The following RFFL variants were observed in gnomAD, a reference collection of about 807,000 sequenced individuals.
The protein encoded by RFFL is E3 ubiquitin-protein ligase rififylin.
A neutral mutation model predicts 40.4 loss-of-function variants in RFFL; 16 were observed. The observed-to-expected ratio is 0.40, with a 90% CI of 0.27 to 0.60. The LOEUF is 0.60. Ranked by LOEUF, RFFL falls within the 20% of genes least tolerant of loss-of-function variation. The pLI, the probability that RFFL is intolerant of heterozygous loss-of-function variation, is 0.47. For synonymous variants in RFFL, 154 were observed against 167.9 expected, an observed-to-expected ratio of 0.92 and a Z score of 0.64; for missense variants, 367 against 451.7, an observed-to-expected ratio of 0.81 and a Z score of 1.70.
At chr17:35,075,147 C>A (rs2091369675) in intron 1 of RFFL, among the ~76,000 whole-genome samples, 2 of 152,184 alleles carry the variant, frequency 1.3e-5, no homozygotes, top group African/African-American at 4.8e-5. Flanking sequence ...TATAATAACG[C>A]AAGCCCTCTG....
At chr17:35,040,964 G>A (rs544983747) in intron 1 of RFFL, among the ~76,000 whole-genome samples, 46 of 140,774 alleles carry the variant, frequency 3.3e-4, no homozygotes, top group African/African-American at 9.9e-4. Context: ...CTGTAATCTC[G>A]AACTCCTGGG....
intron 1 of RFFL, among the ~76,000 whole-genome samples, chr17:35,027,646 C>T (rs892155071): frequency 6.6e-6 from 1 of 151,574 alleles, no homozygotes; most frequent in African/African-American, 2.4e-5. Context: ...ATGGCTTGAA[C>T]CCGGGAAGTA....
intron 2 of RFFL, among the ~76,000 whole-genome samples, chr17:35,023,811 GACA>G (rs2091024573): frequency 1.3e-5 from 2 of 152,294 alleles, no homozygotes; most frequent in African/African-American, 4.8e-5. Flanking sequence ...TCAGAATGCA[GACA>G]ACAACCTAGC....
At chr17:35,071,464 A>T (rs943538093) in intron 1 of RFFL, among the ~76,000 whole-genome samples, 1 of 151,582 alleles carries the variant, frequency 6.6e-6, no homozygotes, top group Non-Finnish European at 1.5e-5. Flanking sequence ...CTAAAAATAC[A>T]AAATTTGTCT....
At chr17:35,015,937 T>C (rs1158896580) in intron 5 of RFFL, among the ~76,000 whole-genome samples, 1 of 152,196 alleles carries the variant, frequency 6.6e-6, no homozygotes, top group Non-Finnish European at 1.5e-5. Context: ...CAAGTGCAGA[T>C]GGAACAGCTA....
chr17:35,047,768 T>A (rs940629907), intron 1 of RFFL, among the ~76,000 whole-genome samples: 10 of 150,692 alleles, frequency 6.6e-5, no homozygotes, highest in Non-Finnish European at 1.0e-4. Flanking sequence ...TTTTTTTTTT[T>A]AAATACAGAG....
intron 1 of RFFL, among the ~76,000 whole-genome samples, chr17:35,076,437 T>G (rs1475536602): frequency 6.6e-6 from 1 of 151,802 alleles, no homozygotes; most frequent in Non-Finnish European, 1.5e-5. Context: ...TTGTAGCACT[T>G]TGGGAAGCCA....
chr17:35,084,370 G>GGCCA (rs2091418784), intron 1 of RFFL, among the ~76,000 whole-genome samples: 1 of 152,204 alleles, frequency 6.6e-6, no homozygotes, highest in Non-Finnish European at 1.5e-5. Context: ...AAGGCGGGCA[G>GGCCA]ATCACCTGAG....
At chr17:35,017,317 A>G (rs2090980195) in intron 4 of RFFL, among the ~76,000 whole-genome samples, 1 of 152,102 alleles carries the variant, frequency 6.6e-6, no homozygotes, top group Non-Finnish European at 1.5e-5. Flanking sequence ...CTCCGTCTCC[A>G]CTGTGACCTC....
chr17:35,023,182 C>T (rs1036314421), intron 2 of RFFL, among the ~76,000 whole-genome samples: 1 of 152,194 alleles, frequency 6.6e-6, no homozygotes, highest in Admixed American at 6.5e-5. Context: ...TTAAATATTT[C>T]TGGTCCATCT....
At chr17:35,045,834 G>A (rs2091196585) in intron 1 of RFFL, among the ~76,000 whole-genome samples, 1 of 151,944 alleles carries the variant, frequency 6.6e-6, no homozygotes, top group African/African-American at 2.4e-5. Context: ...GACCAGCCTG[G>A]CCAACATGGC....
Position 35,009,119 on chromosome 17 carries a change from G to C in RFFL, c.*2849C>G, listed in dbSNP as rs1009500172. 1 of 152,612 alleles carries C rather than the reference G, an allele frequency of 6.6e-6. No individual in the cohort carries two copies. Among genetic ancestry groups the C allele is most frequent in the African/African-American group, 2.4e-5 (1 of 41,430 alleles). The allele number at this position is 152,612 out of a possible 1,614,324, so 9.5% of individuals were successfully genotyped here. A position where few individuals can be genotyped will look rare whatever the true frequency, so the allele number is the denominator to read the frequency against. On this transcript the variant is annotated 3_prime_UTR_variant, in exon 7 of 7. Coordinates refer to ENST00000394597, the MANE Select transcript of RFFL (RefSeq NM_001017368.2). ...CTCGCACCAGACAGGACAGGTGTCT[G>C]TATTGAAACTTTATTACAAAATTAT...
At chr17:35,061,265 T>A (rs181024698) in intron 1 of RFFL, among the ~76,000 whole-genome samples, 2 of 152,326 alleles carry the variant, frequency 1.3e-5, no homozygotes, top group East Asian at 3.9e-4. Context: ...GAAAGACTTA[T>A]GGAGGAGTGG....
At chr17:35,036,788 T>C (rs891771728) in intron 1 of RFFL, among the ~76,000 whole-genome samples, 1 of 152,242 alleles carries the variant, frequency 6.6e-6, no homozygotes, top group African/African-American at 2.4e-5. Flanking sequence ...ATGTGATTTC[T>C]ACCTATTAAG....
intron 1 of RFFL, among the ~76,000 whole-genome samples, chr17:35,029,153 C>A (rs2091064269): frequency 1.3e-5 from 2 of 151,772 alleles, no homozygotes; most frequent in South Asian, 4.1e-4. Flanking sequence ...GAACTTAGTT[C>A]CCAGGAACTT....
intron 1 of RFFL, among the ~76,000 whole-genome samples, chr17:35,058,482 T>C (rs977955209): frequency 6.6e-6 from 1 of 152,096 alleles, no homozygotes; most frequent in African/African-American, 2.4e-5. Flanking sequence ...GTATCTAAAA[T>C]TGGTGGTAGG....
intron 1 of RFFL, among the ~76,000 whole-genome samples, chr17:35,027,949 C>T (rs1300882098): frequency 6.6e-6 from 1 of 151,948 alleles, no homozygotes; most frequent in Non-Finnish European, 1.5e-5. Context: ...TGGAGAATTG[C>T]TTGAACTCAT....
chr17:35,037,957 GAAA>G (rs774404760), intron 1 of RFFL, among the ~76,000 whole-genome samples: 1 of 152,070 alleles, frequency 6.6e-6, no homozygotes, highest in Non-Finnish European at 1.5e-5. Context: ...TAGCTAAAAT[GAAA>G]AAGAGATACT....
intron 1 of RFFL, among the ~76,000 whole-genome samples, chr17:35,077,921 G>A (rs1000060753): frequency 6.6e-6 from 1 of 152,230 alleles, no homozygotes; most frequent in East Asian, 1.9e-4. Flanking sequence ...CTTCTGGTCT[G>A]CAAGAGTCAA....
Sources: gnomAD v4.1 joint callset for allele counts (sites outside exome capture counted in the v4.1 genomes callset) on GRCh38, gnomAD v4.1.1 for gene constraint, MANE v1.5 for transcripts, NCBI Gene and HGNC (gene_info 2026-07-23, HGNC 2026-07-21) for gene names.